Variants in ZNF385D observed in about 807,000 individuals in gnomAD.
The protein encoded by ZNF385D is zinc finger protein 385D, also known as zinc finger protein 659.
ZNF385D carries 15 observed loss-of-function variants against 35.8 expected under a neutral mutation model. The ratio of observed to expected loss-of-function variants is 0.42; its 90% confidence interval spans 0.28 to 0.64. The LOEUF is 0.64. ZNF385D is among the 30% of genes least tolerant of loss of function. The pLI is 0.23. For missense variants in ZNF385D, 474 were observed against 494.6 expected, an observed-to-expected ratio of 0.96 and a Z score of 0.39; for synonymous variants, 212 against 186.8, an observed-to-expected ratio of 1.13 and a Z score of -1.10.
chr3:21,489,562 T>C (rs1000979609), intron 4 of ZNF385D, among the ~76,000 whole-genome samples: 3 of 152,062 alleles, frequency 2.0e-5, no homozygotes, highest in African/African-American at 7.2e-5. Flanking sequence ...CCAGATGGGT[T>C]ATTTCTATCT....
chr3:21,997,567 A>G (rs1019120560), intron 3 of ZNF385D, among the ~76,000 whole-genome samples: 7 of 151,882 alleles, frequency 4.6e-5, no homozygotes, highest in Admixed American at 4.6e-4. Context: ...GAAAAAAAAA[A>G]CAGTATAATA....
chr3:22,082,402 C>T (rs1031009508), intron 3 of ZNF385D, among the ~76,000 whole-genome samples: 2 of 152,200 alleles, frequency 1.3e-5, no homozygotes, highest in Non-Finnish European at 2.9e-5. Flanking sequence ...GGATTATATT[C>T]CGTGCCTGGC....
rs942160465 is a variant in ZNF385D at position 22,324,956 on chromosome 3, A to C, written c.106+47494T>G. Among the ~76,000 whole-genome samples, 4 of 152,320 alleles carry C rather than the reference A, an allele frequency of 2.6e-5. No individual in the cohort carries two copies. The East Asian group carries it at 7.7e-4, about 29-fold the overall frequency. ...CCATCTGTATGACCTTGAGCAAGAC[A>C]CTTAACCTCTCTGTGTATCTGTTTC... On this transcript the variant is annotated intron_variant, in intron 2 of 5. Coordinates refer to the ZNF385D transcript ENST00000494108.
chr3:21,580,842 G>A (rs927143133), intron 2 of ZNF385D, among the ~76,000 whole-genome samples: 1 of 151,872 alleles, frequency 6.6e-6, no homozygotes, highest in Non-Finnish European at 1.5e-5. Flanking sequence ...TTATTTCTGT[G>A]CTGATTTATG....
At chr3:22,316,497 T>C (rs542807969) in intron 2 of ZNF385D, among the ~76,000 whole-genome samples, 4 of 152,292 alleles carry the variant, frequency 2.6e-5, no homozygotes, top group African/African-American at 9.6e-5. Context: ...AAGGTAAATT[T>C]TTCCCCAAAA....
chr3:21,811,632 T>C (rs1026532337), intron 3 of ZNF385D, among the ~76,000 whole-genome samples: 2 of 152,176 alleles, frequency 1.3e-5, no homozygotes, highest in Non-Finnish European at 2.9e-5. Context: ...TAAAAGCAGC[T>C]AGCATTTATT....
At chr3:21,886,753 T>C (rs986678903) in intron 3 of ZNF385D, among the ~76,000 whole-genome samples, 1 of 152,162 alleles carries the variant, frequency 6.6e-6, no homozygotes, top group East Asian at 1.9e-4. Flanking sequence ...GGATTTGAGT[T>C]CAAATACATG....
intron 3 of ZNF385D, among the ~76,000 whole-genome samples, chr3:22,075,086 T>C (rs1014765826): frequency 5.9e-5 from 9 of 151,926 alleles, no homozygotes; most frequent in Non-Finnish European, 8.8e-5. Flanking sequence ...AAGGCCCCAC[T>C]CCAGAGATTT....
intron 2 of ZNF385D, among the ~76,000 whole-genome samples, chr3:22,247,048 T>TA (rs1699822085): frequency 6.6e-6 from 1 of 152,202 alleles, no homozygotes; most frequent in Non-Finnish European, 1.5e-5. Flanking sequence ...CACACAGTTT[T>TA]ACTTATACAC....
intron 3 of ZNF385D, chr3:21,511,715 G>T: frequency 2.2e-6 from 1 of 456,518 alleles, no homozygotes; most frequent in Non-Finnish European, 4.4e-6. Flanking sequence ...CAGTGTGTTT[G>T]TACTACCTAA....
intron 3 of ZNF385D, among the ~76,000 whole-genome samples, chr3:22,128,767 G>C (rs761764686): frequency 6.6e-6 from 1 of 152,048 alleles, no homozygotes; most frequent in African/African-American, 2.4e-5. Flanking sequence ...CAATGGCTTT[G>C]TTAAATTTAT....
chr3:21,769,910 C>G (rs997180547), intron 3 of ZNF385D, among the ~76,000 whole-genome samples: 85 of 151,852 alleles, frequency 5.6e-4, no homozygotes, highest in Admixed American at 8.5e-4. Flanking sequence ...TGGAACAGAA[C>G]AGAGCCCTCA....
intron 3 of ZNF385D, among the ~76,000 whole-genome samples, chr3:22,039,829 G>A (rs1698556810): frequency 6.6e-6 from 1 of 152,008 alleles, no homozygotes; most frequent in Non-Finnish European, 1.5e-5. Flanking sequence ...TTCTTCTTCA[G>A]TACCACTCTT....
chr3:21,761,444 G>A (rs1197542971), intron 3 of ZNF385D, among the ~76,000 whole-genome samples: 2 of 152,166 alleles, frequency 1.3e-5, no homozygotes, highest in African/African-American at 4.8e-5. Flanking sequence ...TTAAAGTGAT[G>A]GCAAGGTGGT....
intron 2 of ZNF385D, among the ~76,000 whole-genome samples, chr3:22,203,491 A>T (rs1485432256): frequency 6.6e-6 from 1 of 152,054 alleles, no homozygotes; most frequent in Non-Finnish European, 1.5e-5. Flanking sequence ...AATAAAAGGA[A>T]CTTTGTCTTA....
At chr3:22,115,185 T>C (rs1182871968) in intron 3 of ZNF385D, among the ~76,000 whole-genome samples, 1 of 151,996 alleles carries the variant, frequency 6.6e-6, no homozygotes, top group African/African-American at 2.4e-5. Context: ...CAAGAAGTCA[T>C]TGGTAGAAAC....
At chr3:21,756,018 G>A (rs746258522), upstream of ZNF385D, among the ~76,000 whole-genome samples, 13 of 152,298 alleles carry the variant, frequency 8.5e-5, no homozygotes, top group Admixed American at 3.3e-4. Context: ...TAGGCCATTA[G>A]AAATACTTTG....
chr3:21,800,743 T>C (rs536958170), intron 3 of ZNF385D, among the ~76,000 whole-genome samples: 2 of 152,174 alleles, frequency 1.3e-5, no homozygotes, highest in South Asian at 4.1e-4. Context: ...TGTCTTTTGT[T>C]TGTTGATCTT....
chr3:21,757,339 T>A (rs2878426), intron 3 of ZNF385D, among the ~76,000 whole-genome samples: 1 of 151,726 alleles, frequency 6.6e-6, no homozygotes, highest in East Asian at 1.9e-4. Context: ...GATAGGGTTT[T>A]GCCATGTTGG....
Sources: allele counts gnomAD v4.1 joint callset (sites outside exome capture counted in the v4.1 genomes callset), GRCh38; gene constraint gnomAD v4.1.1; transcripts MANE v1.5; gene names NCBI Gene and HGNC (gene_info 2026-07-23, HGNC 2026-07-21).